AATF: variants seen among roughly 807,000 people sequenced by gnomAD.
The protein encoded by AATF is protein AATF.
AATF carries 48 observed loss-of-function variants against 63.7 expected under a neutral mutation model. The observed-to-expected ratio is 0.75, with a 90% CI of 0.60 to 0.96. The LOEUF (loss-of-function observed/expected upper bound fraction) is 0.96. AATF is among the 40% of genes least tolerant of loss of function. The pLI is 0.00. For missense variants in AATF, 639 were observed against 685.7 expected, an observed-to-expected ratio of 0.93 and a Z score of 0.76; for synonymous variants, 258 against 247.7, an observed-to-expected ratio of 1.04 and a Z score of -0.39.
intron 4 of AATF, among the ~76,000 whole-genome samples, chr17:36,974,055 C>T (rs1266860467): frequency 6.3e-5 from 9 of 142,406 alleles, no homozygotes; most frequent in Admixed American, 5.6e-4. Flanking sequence ...GGCGACAGAG[C>T]GAGAGTCCAT....
chr17:37,019,878 T>C (rs2071456454), intron 9 of AATF, among the ~76,000 whole-genome samples: 1 of 152,236 alleles, frequency 6.6e-6, no homozygotes. Flanking sequence ...TCGCTATAAA[T>C]TTAATGTGAT....
At chr17:36,991,620 C>G (rs1237504937) in intron 8 of AATF, among the ~76,000 whole-genome samples, 1 of 147,562 alleles carries the variant, frequency 6.8e-6, no homozygotes, top group East Asian at 2.0e-4. Context: ...GAGTCTCGCT[C>G]TGTCACCCAG....
At chr17:37,048,863 G>A (rs1260186994) in intron 11 of AATF, among the ~76,000 whole-genome samples, 1 of 152,132 alleles carries the variant, frequency 6.6e-6, no homozygotes, top group African/African-American at 2.4e-5. Flanking sequence ...CACTGATACC[G>A]AGTAGGATGA....
At chr17:36,988,210 A>G (rs997927861) in intron 5 of AATF, among the ~76,000 whole-genome samples, 2 of 152,126 alleles carry the variant, frequency 1.3e-5, no homozygotes, top group South Asian at 2.1e-4. Flanking sequence ...CCAGCTACCC[A>G]TGAGGCTGAG....
rs541868977 is a variant in AATF, at chr17:37,002,764, G to A, written c.1398+11907G>A. Among the ~76,000 whole-genome samples, 3 of 151,954 alleles carry A rather than the reference G, an allele frequency of 2.0e-5. No homozygotes were observed. The East Asian group carries it at 5.8e-4, about 29-fold the overall frequency. ...TAACACACTGAACATTATAAATATT[G>A]CTGAAAGAAATTAAAGACCTAAATA... On this transcript the variant is annotated intron_variant, in intron 8 of 11. Coordinates refer to ENST00000619387, the MANE Select transcript of AATF (RefSeq NM_012138.4).
At chr17:37,000,522 T>C (rs2071286217) in intron 8 of AATF, among the ~76,000 whole-genome samples, 1 of 152,176 alleles carries the variant, frequency 6.6e-6, no homozygotes, top group Non-Finnish European at 1.5e-5. Flanking sequence ...TTAGTTATAT[T>C]GTTTATGATA....
intron 11 of AATF, among the ~76,000 whole-genome samples, chr17:37,048,191 T>C (rs911464429): frequency 1.3e-5 from 2 of 151,506 alleles, no homozygotes; most frequent in African/African-American, 4.9e-5. Context: ...AAGAGGAGAG[T>C]GAGGGAGAGT....
chr17:36,981,707 T>TTC (rs199598155), intron 4 of AATF, among the ~76,000 whole-genome samples: 7,363 of 145,358 alleles, frequency 0.051, 566 homozygotes, highest in African/African-American at 0.16. Context: ...CTTTTCTTTT[T>TTC]TTTTTTTTTT....
At position 37,046,339 on chromosome 17, in the gene AATF, C is replaced by T. The variant is rs373608911; in HGVS notation, c.1620-10262C>T. Among the ~76,000 whole-genome samples the T allele has an allele frequency of 1.3e-3, 192 of 151,708 alleles. 2 individuals are homozygous for T. The highest frequency in any genetic ancestry group is 9.6e-3 in the South Asian group (46 of 4,790). On this transcript the variant is annotated intron_variant, in intron 11 of 11. Transcript: ENST00000619387. ...GTGTAGGATCACCAGGGGAGGGTGT[C>T]AAAAGAAGAGAGGAAGCCAAGAGCA...
chr17:37,009,822 T>C (rs2071373264), intron 8 of AATF, among the ~76,000 whole-genome samples: 1 of 26,422 alleles, frequency 3.8e-5, no homozygotes. Context: ...AGACTCCGTC[T>C]CAAAAAAAAA....
chr17:37,010,597 G>A (rs2071383244), intron 8 of AATF, among the ~76,000 whole-genome samples: 2 of 152,194 alleles, frequency 1.3e-5, no homozygotes, highest in Admixed American at 6.5e-5. Context: ...AAGGGGAGGA[G>A]GTAGACGTTA....
At chr17:36,991,314 G>T (rs907745926) in intron 8 of AATF, among the ~76,000 whole-genome samples, 1 of 152,082 alleles carries the variant, frequency 6.6e-6, no homozygotes, top group African/African-American at 2.4e-5. Flanking sequence ...TGTGCCTGTC[G>T]AAGTCAGTTA....
chr17:36,963,671 C>G (rs1020441313), intron 4 of AATF, among the ~76,000 whole-genome samples: 10 of 152,152 alleles, frequency 6.6e-5, no homozygotes, highest in Non-Finnish European at 2.9e-5. Context: ...CATTCAGTCT[C>G]ATTTTATTTG....
At chr17:37,049,911 G>A (rs1325733952) in intron 11 of AATF, among the ~76,000 whole-genome samples, 2 of 152,154 alleles carry the variant, frequency 1.3e-5, no homozygotes, top group African/African-American at 2.4e-5. Context: ...GTGCAGGAGA[G>A]ATGGAGTCCT....
intron 10 of AATF, among the ~76,000 whole-genome samples, chr17:37,022,113 CGTGTGTGTGTGTGTGTGTGTGTGTGT>C (rs71159679): frequency 6.9e-6 from 1 of 145,334 alleles, no homozygotes; most frequent in Non-Finnish European, 1.5e-5. Context: ...TGGTAACTGC[CGTGTGTGTGTGTGTGTGTGTGTGTGT>C]GTGTGTGTGT....
intron 10 of AATF, among the ~76,000 whole-genome samples, chr17:37,023,367 C>A (rs2071487223): frequency 6.6e-6 from 1 of 152,128 alleles, no homozygotes; most frequent in South Asian, 2.1e-4. Context: ...TTAATGAATT[C>A]AACTAGCTTC....
At chr17:36,989,619 A>G (rs992586356) in intron 7 of AATF, among the ~76,000 whole-genome samples, 14 of 152,190 alleles carry the variant, frequency 9.2e-5, no homozygotes, top group Non-Finnish European at 1.8e-4. Context: ...CCTGTGTGTC[A>G]TCTTCTCTTA....
intron 10 of AATF, among the ~76,000 whole-genome samples, chr17:37,022,466 T>A (rs935035315): frequency 6.6e-6 from 1 of 152,240 alleles, no homozygotes; most frequent in African/African-American, 2.4e-5. Context: ...TTGCAAAGTA[T>A]CGTCCTTTGA....
In AATF at chr17:37,056,692, C is replaced by T. The variant is rs370767213; in HGVS notation, c.*28C>T. 5.6e-5 allele frequency: 90 copies of T among 1,613,358 alleles called. No homozygotes were observed. The African/African-American group carries it at 1.1e-3, about 19-fold the overall frequency. ...TCGCCCACCTCCGACACCCAGTGGG[C>T]GCCTTGGCTGGTGCGGCTGCTGGTC... On this transcript the variant is annotated 3_prime_UTR_variant, in exon 12 of 12. Transcript: ENST00000619387.
Sources: gnomAD v4.1 joint callset for allele counts (sites outside exome capture counted in the v4.1 genomes callset) on GRCh38, gnomAD v4.1.1 for gene constraint, MANE v1.5 for transcripts, NCBI Gene and HGNC (gene_info 2026-07-23, HGNC 2026-07-21) for gene names.